The following SCFD2 variants were observed in gnomAD, a reference collection of about 807,000 sequenced individuals.
SCFD2 encodes sec1 family domain containing 2, also known as sec1 family domain-containing protein 2.
SCFD2 carries 54 observed loss-of-function variants against 58.9 expected under a neutral mutation model. The ratio of observed to expected loss-of-function variants is 0.92; its 90% CI spans 0.74 to 1.15. The LOEUF (loss-of-function observed/expected upper bound fraction) is 1.15, where lower values mean the gene tolerates loss of function less well. Among genes scored for constraint, SCFD2 ranks in the 50% most tolerant of loss-of-function variants. The probability of loss-of-function intolerance (pLI) is 0.00; values close to 1 mark genes in which losing one functional copy is unlikely to be tolerated. For missense variants in SCFD2, 805 were observed against 836.6 expected, an observed-to-expected ratio of 0.96 and a Z score of 0.47; for synonymous variants, 321 against 335.9, an observed-to-expected ratio of 0.96 and a Z score of 0.49.
chr4:53,303,631 T>C (rs1191140303), intron 3 of SCFD2, among the ~76,000 whole-genome samples: 1 of 152,170 alleles, frequency 6.6e-6, no homozygotes, highest in African/African-American at 2.4e-5. Context: ...GAAATCATGC[T>C]GCTATAAAGA....
intron 5 of SCFD2, among the ~76,000 whole-genome samples, chr4:53,142,221 T>C (rs769671282): frequency 2.6e-5 from 4 of 152,214 alleles, no homozygotes; most frequent in Non-Finnish European, 4.4e-5. Flanking sequence ...TTTTAGATGT[T>C]AGGAACTTAG....
At chr4:53,180,147 G>C (rs183275610) in intron 4 of SCFD2, among the ~76,000 whole-genome samples, 1 of 152,050 alleles carries the variant, frequency 6.6e-6, no homozygotes, top group Non-Finnish European at 1.5e-5. Flanking sequence ...TGCACCAAGC[G>C]GACCTAATAG....
intron 4 of SCFD2, among the ~76,000 whole-genome samples, chr4:53,228,914 C>T (rs1409107474): frequency 6.6e-6 from 1 of 152,224 alleles, no homozygotes; most frequent in African/African-American, 2.4e-5. Context: ...TAGGCAACTT[C>T]AGCAAAGTCT....
intron 2 of SCFD2, among the ~76,000 whole-genome samples, chr4:53,339,663 G>A (rs768491537): frequency 3.3e-5 from 5 of 151,982 alleles, no homozygotes; most frequent in Non-Finnish European, 4.4e-5. Flanking sequence ...CCAGCTACTC[G>A]GGAGGCTGAG....
chr4:53,110,265 G>A (rs1274808216), intron 5 of SCFD2, among the ~76,000 whole-genome samples: 1 of 152,136 alleles, frequency 6.6e-6, no homozygotes, highest in African/African-American at 2.4e-5. Context: ...AATATTAAAT[G>A]TAAGACCTAA....
intron 5 of SCFD2, among the ~76,000 whole-genome samples, chr4:52,922,906 T>A (rs1462598628): frequency 2.6e-5 from 4 of 152,208 alleles, no homozygotes; most frequent in African/African-American, 9.7e-5. Context: ...GCTATCCTAG[T>A]AGATGTAAAG....
intron 5 of SCFD2, among the ~76,000 whole-genome samples, chr4:53,070,760 G>C (rs1723791553): frequency 6.6e-6 from 1 of 152,040 alleles, no homozygotes; most frequent in Non-Finnish European, 1.5e-5. Flanking sequence ...TAAAACGCCT[G>C]ATTCCACTTT....
intron 2 of SCFD2, among the ~76,000 whole-genome samples, chr4:53,334,034 A>T (rs1733591544): frequency 6.6e-6 from 1 of 152,096 alleles, no homozygotes; most frequent in Non-Finnish European, 1.5e-5. Context: ...AGAAATGCAA[A>T]TCAAAACCAC....
chr4:53,228,602 G>A (rs1400017972), intron 4 of SCFD2, among the ~76,000 whole-genome samples: 1 of 152,082 alleles, frequency 6.6e-6, no homozygotes, highest in Non-Finnish European at 1.5e-5. Context: ...AATAAATTAG[G>A]TATTAATGGG....
At chr4:53,356,809 T>C (rs1168345495) in intron 1 of SCFD2, among the ~76,000 whole-genome samples, 1 of 148,782 alleles carries the variant, frequency 6.7e-6, no homozygotes, top group African/African-American at 2.5e-5. Flanking sequence ...CGATCTCGGC[T>C]CACTGCAAGC....
intron 5 of SCFD2, among the ~76,000 whole-genome samples, chr4:53,012,422 G>A (rs1722116751): frequency 6.6e-6 from 1 of 151,698 alleles, no homozygotes; most frequent in Non-Finnish European, 1.5e-5. Context: ...TGGAGGCAGA[G>A]GCTGCACTGT....
chr4:53,309,153 A>G (rs939198596), intron 3 of SCFD2, among the ~76,000 whole-genome samples: 1 of 152,012 alleles, frequency 6.6e-6, no homozygotes. Context: ...AAAGAGAAGC[A>G]CAGTACAGTA....
intron 5 of SCFD2, among the ~76,000 whole-genome samples, chr4:53,047,468 C>T (rs1371712908): frequency 6.6e-6 from 1 of 152,014 alleles, no homozygotes; most frequent in Non-Finnish European, 1.5e-5. Context: ...AACAAACAAA[C>T]AAAAAGCCCC....
At chr4:53,092,364 A>G (rs1440275205) in intron 5 of SCFD2, among the ~76,000 whole-genome samples, 1 of 152,314 alleles carries the variant, frequency 6.6e-6, no homozygotes, top group East Asian at 1.9e-4. Context: ...TGGTACAGCC[A>G]CTCTGAAAAA....
chr4:53,083,073 C>T (rs1432750946), intron 5 of SCFD2, among the ~76,000 whole-genome samples: 1 of 151,990 alleles, frequency 6.6e-6, no homozygotes, highest in African/African-American at 2.4e-5. Context: ...GAGTGGGGTG[C>T]TACTATAACA....
intron 5 of SCFD2, among the ~76,000 whole-genome samples, chr4:53,009,141 A>T (rs1722042769): frequency 6.6e-6 from 1 of 152,156 alleles, no homozygotes; most frequent in South Asian, 2.1e-4. Context: ...GTCCTCTCTC[A>T]CTATCAGCCC....
intron 4 of SCFD2, among the ~76,000 whole-genome samples, chr4:53,238,202 G>T (rs571530327): frequency 7.1e-6 from 1 of 141,158 alleles, no homozygotes; most frequent in Non-Finnish European, 1.6e-5. Flanking sequence ...CCTCCCTCCC[G>T]GACGGGGCGG....
intron 4 of SCFD2, among the ~76,000 whole-genome samples, chr4:53,255,857 C>T (rs1284827528): frequency 2.7e-5 from 4 of 150,084 alleles, no homozygotes; most frequent in African/African-American, 9.8e-5. Flanking sequence ...CCCCCCACCT[C>T]CATCCCGGAC....
chr4:53,250,031 T>C (rs1015269164), intron 4 of SCFD2, among the ~76,000 whole-genome samples: 1 of 152,100 alleles, frequency 6.6e-6, no homozygotes, highest in African/African-American at 2.4e-5. Flanking sequence ...TCAAGACCCA[T>C]CAGTGTGCTG....
Sources: allele counts gnomAD v4.1 joint callset (sites outside exome capture counted in the v4.1 genomes callset), GRCh38; gene constraint gnomAD v4.1.1; transcripts MANE v1.5; gene names NCBI Gene and HGNC (gene_info 2026-07-23, HGNC 2026-07-21).